The following PSPC1 variants were observed in gnomAD, a reference collection of about 807,000 sequenced individuals.
PSPC1 encodes the protein paraspeckle component 1.
A neutral mutation model predicts 51.6 loss-of-function variants in PSPC1; 14 were observed. That is an observed-to-expected ratio of 0.27 (90% CI 0.18 to 0.42). The LOEUF (loss-of-function observed/expected upper bound fraction) is 0.42, where lower values mean the gene tolerates loss of function less well. Among genes scored for constraint, PSPC1 ranks in the 10% least tolerant of loss-of-function variants. The pLI is 1.00. For missense variants in PSPC1, 406 were observed against 701.1 expected, an observed-to-expected ratio of 0.58 and a Z score of 4.75; for synonymous variants, 193 against 231.9, an observed-to-expected ratio of 0.83 and a Z score of 1.53.
In PSPC1 at chr13:19,772,552, G is replaced by A. The variant is rs574996931; in HGVS notation, c.373-9C>T. 7 of 1,563,640 alleles carry A rather than the reference G, an allele frequency of 4.5e-6. No homozygotes were observed. Among genetic ancestry groups the A allele is most frequent in the South Asian group, 2.4e-5 (2 of 84,794 alleles). On this transcript the variant is annotated splice_polypyrimidine_tract_variant and intron_variant, in intron 1 of 8. Coordinates refer to ENST00000338910, the MANE Select transcript of PSPC1 (RefSeq NM_001354909.2). ...GCCAGGGTTCTGGATTCCTTTTTAG[G>A]AAGAAAAAACATTTTTAAAAGATGA...
downstream of PSPC1, chr13:19,672,255 C>G (rs1876173715): frequency 5.6e-6 from 1 of 177,888 alleles, no homozygotes; most frequent in Admixed American, 5.7e-5. Context: ...AGTGATTCTC[C>G]TGCCTCAGCC....
At chr13:19,722,552 G>C (rs1477483343) in intron 6 of PSPC1, among the ~76,000 whole-genome samples, 4 of 152,176 alleles carry the variant, frequency 2.6e-5, no homozygotes, top group African/African-American at 9.7e-5. Context: ...CCAACACTTT[G>C]GGAGGCTGAG....
At chr13:19,723,708 A>T (rs1345946130) in intron 6 of PSPC1, among the ~76,000 whole-genome samples, 2 of 152,242 alleles carry the variant, frequency 1.3e-5, no homozygotes, top group Non-Finnish European at 2.9e-5. Context: ...ATGTGTAAAC[A>T]TTACAAACTT....
chr13:19,759,912 G>C (rs1887452597), intron 2 of PSPC1, among the ~76,000 whole-genome samples: 1 of 151,114 alleles, frequency 6.6e-6, no homozygotes, highest in African/African-American at 2.4e-5. Context: ...AGAGAGAGGT[G>C]AATGTCAAAA....
At chr13:19,682,863 AC>A (rs1161467956) in intron 6 of PSPC1, among the ~76,000 whole-genome samples, 19 of 151,872 alleles carry the variant, frequency 1.3e-4, no homozygotes, top group Admixed American at 1.2e-3. Flanking sequence ...GGAGTTCAAG[AC>A]CAACCTGGGT....
At chr13:19,681,050 A>T (rs1728859878) in intron 6 of PSPC1, among the ~76,000 whole-genome samples, 1 of 152,072 alleles carries the variant, frequency 6.6e-6, no homozygotes, top group Non-Finnish European at 1.5e-5. Context: ...AGATGACTCT[A>T]CAAAAAATGT....
intron 6 of PSPC1, among the ~76,000 whole-genome samples, chr13:19,714,531 T>C (rs1160667090): frequency 6.6e-6 from 1 of 150,862 alleles, no homozygotes; most frequent in African/African-American, 2.4e-5. Context: ...AGTCTCACTC[T>C]GTTGCCCAGG....
chr13:19,674,060 C>T (rs1022601491), downstream of PSPC1, among the ~76,000 whole-genome samples: 4 of 152,228 alleles, frequency 2.6e-5, no homozygotes, highest in African/African-American at 9.6e-5. Context: ...GATCTCAGGA[C>T]TAAGATCACC....
chr13:19,708,746 T>A (rs994364831), intron 7 of PSPC1, among the ~76,000 whole-genome samples: 1 of 152,106 alleles, frequency 6.6e-6, no homozygotes, highest in African/African-American at 2.4e-5. Context: ...TTCATTAAAG[T>A]GAAGGAAAAC....
intron 2 of PSPC1, among the ~76,000 whole-genome samples, chr13:19,759,831 C>T (rs1855810083): frequency 7.1e-6 from 1 of 141,828 alleles, no homozygotes; most frequent in South Asian, 2.2e-4. Context: ...CACTGCACTC[C>T]AGCCTGGGCA....
Position 19,702,968 on chromosome 13 carries a change from C to A in PSPC1, c.*207G>T, listed in dbSNP as rs563853041. ...AGCTAAAGTCACAAACACATTTCAACATTCAAAATGATGAGCATCATTACC... is the reference window on the plus strand; with the variant it reads ...AGCTAAAGTCACAAACACATTTCAAAATTCAAAATGATGAGCATCATTACC... On this transcript the variant is annotated 3_prime_UTR_variant, in exon 9 of 9. Coordinates refer to ENST00000338910, the MANE Select transcript of PSPC1 (RefSeq NM_001354909.2). The A allele has an allele frequency of 1.1e-3, 477 of 441,342 alleles. No individual in the cohort carries two copies. The highest frequency in any genetic ancestry group is 3.4e-3 in the Middle Eastern group (5 of 1,486). The allele number at this position is 441,342 out of a possible 1,614,324, so 27.3% of individuals were successfully genotyped here.
chr13:19,675,228 T>G (rs539213523), intron 7 of PSPC1: 19 of 152,450 alleles, frequency 1.2e-4, no homozygotes, highest in African/African-American at 4.3e-4. Flanking sequence ...TTTTGAGAGT[T>G]GACCCAAAAT....
intron 6 of PSPC1, among the ~76,000 whole-genome samples, chr13:19,683,839 C>T (rs1224023232): frequency 6.6e-6 from 1 of 151,968 alleles, no homozygotes; most frequent in Non-Finnish European, 1.5e-5. Context: ...TGTATATATG[C>T]CATCTTTTCC....
intron 1 of PSPC1, among the ~76,000 whole-genome samples, chr13:19,778,893 T>TCCGC (rs1479808889): frequency 1.0e-5 from 1 of 99,186 alleles, no homozygotes; most frequent in Admixed American, 1.1e-4. Context: ...GAGGAGCATC[T>TCCGC]CCGCCCGGCC....
chr13:19,691,124 C>T (rs1179424489), intron 6 of PSPC1, among the ~76,000 whole-genome samples: 1 of 152,216 alleles, frequency 6.6e-6, no homozygotes, highest in East Asian at 1.9e-4. Context: ...AAACTCTACT[C>T]CTAAATCCAT....
At chr13:19,693,769 G>A (rs188734589) in intron 6 of PSPC1, among the ~76,000 whole-genome samples, 31 of 152,216 alleles carry the variant, frequency 2.0e-4, no homozygotes, top group Middle Eastern at 3.4e-3. Context: ...CTGCAGGACA[G>A]CAAACACCAA....
intron 5 of PSPC1, among the ~76,000 whole-genome samples, chr13:19,731,465 G>C (rs1884105289): frequency 6.6e-6 from 1 of 152,134 alleles, no homozygotes; most frequent in Admixed American, 6.5e-5. Flanking sequence ...CCATGCTGGA[G>C]TGTCCCAATC....
At chr13:19,680,943 C>A (rs886324653) in intron 6 of PSPC1, among the ~76,000 whole-genome samples, 4 of 152,196 alleles carry the variant, frequency 2.6e-5, no homozygotes, top group African/African-American at 4.8e-5. Context: ...CAAGGCCGGG[C>A]ACGGTGGCTC....
intron 6 of PSPC1, among the ~76,000 whole-genome samples, chr13:19,692,482 C>T (rs532053911): frequency 8.5e-5 from 13 of 152,194 alleles, no homozygotes; most frequent in South Asian, 2.1e-4. Flanking sequence ...AAAAACAGGA[C>T]GAGTTAGGAA....
Sources: gnomAD v4.1 joint callset for allele counts (sites outside exome capture counted in the v4.1 genomes callset) on GRCh38, gnomAD v4.1.1 for gene constraint, MANE v1.5 for transcripts, NCBI Gene and HGNC (gene_info 2026-07-23, HGNC 2026-07-21) for gene names.